IMMP2L: variants seen among roughly 807,000 people sequenced by gnomAD.
The protein encoded by IMMP2L is inner mitochondrial membrane peptidase subunit 2, also known as mitochondrial inner membrane protease subunit 2.
In IMMP2L, 18 loss-of-function variants were observed where a neutral mutation model predicts 19.3. The ratio of observed to expected loss-of-function variants is 0.93; its 90% CI spans 0.64 to 1.38. IMMP2L has a LOEUF of 1.38. IMMP2L is among the 40% of genes most tolerant of loss of function. The probability of loss-of-function intolerance (pLI) is 0.00; values close to 1 mark genes in which losing one functional copy is unlikely to be tolerated. For synonymous variants in IMMP2L, 76 were observed against 73.0 expected (o/e 1.04, Z -0.21); for missense variants, 233 against 218.2 (o/e 1.07, Z -0.43).
At chr7:111,408,460 T>A (rs893268239) in intron 3 of IMMP2L, among the ~76,000 whole-genome samples, 14 of 151,694 alleles carry the variant, frequency 9.2e-5, no homozygotes, top group Admixed American at 2.6e-4. Flanking sequence ...CAGTCACGCA[T>A]AAACACACAC....
At chr7:111,352,243 T>C (rs1339135977) in intron 3 of IMMP2L, among the ~76,000 whole-genome samples, 1 of 151,916 alleles carries the variant, frequency 6.6e-6, no homozygotes, top group Non-Finnish European at 1.5e-5. Context: ...ATAAACATAG[T>C]ACAAAGATGA....
intron 5 of IMMP2L, among the ~76,000 whole-genome samples, chr7:110,882,287 G>GCCTGCCTGCCTTCCTTCCTT (rs1387853201): frequency 1.1e-4 from 13 of 122,182 alleles, no homozygotes; most frequent in African/African-American, 4.0e-4. Context: ...TTTGTCAAGT[G>GCCTGCCTGCCTTCCTTCCTT]CCTTCCTTCC....
At chr7:111,011,375 T>C (rs1484929658) in intron 3 of IMMP2L, among the ~76,000 whole-genome samples, 1 of 152,084 alleles carries the variant, frequency 6.6e-6, no homozygotes. Context: ...GCACCCAAAC[T>C]GGACAGGTAG....
chr7:110,718,735 T>C (rs1795383815), intron 5 of IMMP2L, among the ~76,000 whole-genome samples: 1 of 152,066 alleles, frequency 6.6e-6, no homozygotes, highest in Non-Finnish European at 1.5e-5. Context: ...TGGTTTTGAA[T>C]CATAAAAGGC....
intron 3 of IMMP2L, chr7:111,124,911 G>T: frequency 7.3e-7 from 1 of 1,374,006 alleles, no homozygotes. Context: ...AACCACCAAG[G>T]AAACCTACTC....
rs542100965 is a variant in IMMP2L at position 111,343,318 on chromosome 7, C to T, written c.239+143920G>A. On this transcript the variant is annotated intron_variant, in intron 3 of 5. Coordinates refer to ENST00000405709, the MANE Select transcript of IMMP2L (RefSeq NM_032549.4). The stretch of plus-strand genomic sequence containing the variant: ...TGCCCTGCTCACTTCTGTGACTTTT[C>T]CTTTCTCTAGTCTCTCTGAACTAAA... 4.8e-4 allele frequency among the ~76,000 whole-genome samples: 73 copies of T among 152,152 alleles called. No homozygotes were observed. In the Middle Eastern group the frequency reaches 0.024, roughly 50 times the overall value.
chr7:111,099,697 GT>G (rs531041503), intron 3 of IMMP2L, among the ~76,000 whole-genome samples: 15 of 148,454 alleles, frequency 1.0e-4, no homozygotes, highest in Middle Eastern at 3.5e-3. Flanking sequence ...TCAAAATGAA[GT>G]TTTTTTTTTG....
chr7:111,301,026 T>C (rs900196180), intron 3 of IMMP2L, among the ~76,000 whole-genome samples: 1 of 152,164 alleles, frequency 6.6e-6, no homozygotes, highest in African/African-American at 2.4e-5. Flanking sequence ...ACTGTTTTTT[T>C]TCCAGAGTGG....
intron 1 of IMMP2L, among the ~76,000 whole-genome samples, chr7:111,556,180 T>C (rs897070084): frequency 1.3e-5 from 2 of 151,320 alleles, no homozygotes; most frequent in Non-Finnish European, 3.0e-5. Context: ...AATTGAGATG[T>C]AGGTCAAAGG....
chr7:111,435,386 A>C (rs1172537797), intron 3 of IMMP2L, among the ~76,000 whole-genome samples: 1 of 151,906 alleles, frequency 6.6e-6, no homozygotes, highest in African/African-American at 2.4e-5. Flanking sequence ...TGGCAGCAAC[A>C]TGGATAGAAC....
At chr7:111,135,968 G>A (rs1203491443) in intron 3 of IMMP2L, among the ~76,000 whole-genome samples, 3 of 151,990 alleles carry the variant, frequency 2.0e-5, no homozygotes, top group Admixed American at 6.6e-5. Context: ...TCCCAATGAT[G>A]TGACTGACAG....
In IMMP2L at chr7:110,663,546, C is replaced by G; in HGVS notation, c.*56G>C. 1 of 1,574,628 alleles carries G rather than the reference C, an allele frequency of 6.4e-7. No homozygotes were observed. The highest frequency in any genetic ancestry group is 1.1e-5 in the South Asian group (1 of 88,508). ...TTCCCTTTTGGAGGCTTCTTTTTTCCATTCCTTTCCAGTAACTGGCCTCCC... is the reference window on the plus strand; with the variant it reads ...TTCCCTTTTGGAGGCTTCTTTTTTCGATTCCTTTCCAGTAACTGGCCTCCC... On this transcript the variant is annotated 3_prime_UTR_variant, in exon 6 of 6. Coordinates refer to ENST00000405709, the MANE Select transcript of IMMP2L (RefSeq NM_032549.4).
intron 1 of IMMP2L, among the ~76,000 whole-genome samples, chr7:111,531,271 T>C (rs531701554): frequency 1.3e-5 from 2 of 151,916 alleles, no homozygotes; most frequent in African/African-American, 2.4e-5. Context: ...CGAATTTTTC[T>C]TGTTTTAGTT....
At chr7:110,771,055 G>A (rs571982937) in intron 5 of IMMP2L, among the ~76,000 whole-genome samples, 1 of 152,244 alleles carries the variant, frequency 6.6e-6, no homozygotes, top group Admixed American at 6.5e-5. Flanking sequence ...ACAGGAAAAG[G>A]GGGAAGACAA....
chr7:111,067,578 C>T (rs1479017402), intron 3 of IMMP2L, among the ~76,000 whole-genome samples: 2 of 152,144 alleles, frequency 1.3e-5, no homozygotes, highest in African/African-American at 4.8e-5. Flanking sequence ...AGATTAGTTC[C>T]TTTAAAAATA....
intron 5 of IMMP2L, among the ~76,000 whole-genome samples, chr7:110,825,212 C>G (rs1803366595): frequency 6.6e-6 from 1 of 152,154 alleles, no homozygotes; most frequent in Admixed American, 6.6e-5. Flanking sequence ...GAAGAACATT[C>G]CACGCTCATG....
At chr7:111,207,230 T>C (rs1810807506) in intron 3 of IMMP2L, among the ~76,000 whole-genome samples, 1 of 152,180 alleles carries the variant, frequency 6.6e-6, no homozygotes, top group African/African-American at 2.4e-5. Flanking sequence ...CTTTTGGAAA[T>C]AGGCTGTCTT....
At chr7:111,237,299 T>C (rs563788815) in intron 3 of IMMP2L, among the ~76,000 whole-genome samples, 2 of 152,264 alleles carry the variant, frequency 1.3e-5, no homozygotes, top group South Asian at 4.1e-4. Flanking sequence ...GAGTAATTAA[T>C]TCAATTTGAT....
chr7:110,744,625 C>T (rs1016269029), intron 5 of IMMP2L, among the ~76,000 whole-genome samples: 18 of 152,204 alleles, frequency 1.2e-4, no homozygotes, highest in African/African-American at 3.9e-4. Flanking sequence ...AGTGGACCTC[C>T]AGCAAACTCC....
Sources: allele counts gnomAD v4.1 joint callset (sites outside exome capture counted in the v4.1 genomes callset), GRCh38; gene constraint gnomAD v4.1.1; transcripts MANE v1.5; gene names NCBI Gene and HGNC (gene_info 2026-07-23, HGNC 2026-07-21).